USP46: variants seen among roughly 807,000 people sequenced by gnomAD.
The protein encoded by USP46 is ubiquitin carboxyl-terminal hydrolase 46.
In USP46, 12 loss-of-function variants were observed where a neutral mutation model predicts 44.4. The observed-to-expected ratio is 0.27, with a 90% confidence interval of 0.17 to 0.44. The LOEUF (loss-of-function observed/expected upper bound fraction) is 0.44, where lower values mean the gene tolerates loss of function less well. USP46 is among the 20% of genes least tolerant of loss of function. The pLI, the probability that USP46 is intolerant of heterozygous loss-of-function variation, is 1.00. For synonymous variants in USP46, 155 were observed against 161.5 expected (o/e 0.96, Z 0.31); for missense variants, 248 against 444.8 (o/e 0.56, Z 3.98).
intron 1 of USP46, among the ~76,000 whole-genome samples, chr4:52,632,376 G>C (rs1717862553): frequency 6.6e-6 from 1 of 152,194 alleles, no homozygotes; most frequent in Non-Finnish European, 1.5e-5. Flanking sequence ...AAGGTAAGTA[G>C]TTTGGGAAGC....
At chr4:52,642,665 G>A (rs1416866319) in intron 1 of USP46, among the ~76,000 whole-genome samples, 2 of 152,202 alleles carry the variant, frequency 1.3e-5, no homozygotes, top group Non-Finnish European at 2.9e-5. Flanking sequence ...TAAAATTGAG[G>A]TTGGGAGTCA....
chr4:52,649,144 A>G (rs1718664045), intron 1 of USP46, among the ~76,000 whole-genome samples: 1 of 152,200 alleles, frequency 6.6e-6, no homozygotes, highest in Non-Finnish European at 1.5e-5. Flanking sequence ...CACTCCTCCC[A>G]AAGTGCCCCA....
Position 52,593,603 on chromosome 4 carries a change from C to G in USP46, c.*4037G>C, listed in dbSNP as rs1370938513. On this transcript the variant is annotated 3_prime_UTR_variant, in exon 9 of 9. Transcript: ENST00000441222. ...TTCACTGAGGCCACATGGCATGGACCTGTGCCTGCCCTCCTTCTGGGGCAG... is the reference window on the plus strand; with the variant it reads ...TTCACTGAGGCCACATGGCATGGACGTGTGCCTGCCCTCCTTCTGGGGCAG... The G allele has an allele frequency of 6.6e-6, 1 of 152,294 alleles. No individual in the cohort carries two copies. Among genetic ancestry groups the G allele is most frequent in the Non-Finnish European group, 1.5e-5 (1 of 68,070 alleles). 9.4% of individuals were successfully genotyped at this position (152,294 alleles called of 1,614,324 possible). A position where few individuals can be genotyped will look rare whatever the true frequency, so the allele number is the denominator to read the frequency against.
intron 1 of USP46, among the ~76,000 whole-genome samples, chr4:52,631,933 G>A (rs928393669): frequency 6.6e-6 from 1 of 151,966 alleles, no homozygotes; most frequent in Non-Finnish European, 1.5e-5. Flanking sequence ...TTGAACCTGG[G>A]GGCTGGAGGT....
intron 3 of USP46, among the ~76,000 whole-genome samples, chr4:52,627,037 T>C (rs887957313): frequency 7.2e-5 from 11 of 152,288 alleles, no homozygotes; most frequent in African/African-American, 2.6e-4. Flanking sequence ...CAAGCATCTA[T>C]CTGATAGTGT....
At position 52,595,059 on chromosome 4, in the gene USP46, G is replaced by C. The variant is rs1716171633; in HGVS notation, c.*2581C>G. 6.6e-6 allele frequency: 1 copy of C among 152,210 alleles called. No homozygotes were observed. The highest frequency in any genetic ancestry group is 2.1e-4 in the South Asian group (1 of 4,796). The allele number at this position is 152,210 out of a possible 1,614,324, so 9.4% of individuals were successfully genotyped here. ...TTTTTTTTTTAAAGTGTAAAACATT[G>C]TAACTTATTTTGTAACACCCAGCAG... On this transcript the variant is annotated 3_prime_UTR_variant, in exon 9 of 9. Transcript: ENST00000441222.
intron 1 of USP46, among the ~76,000 whole-genome samples, chr4:52,632,989 G>GAAA (rs753178157): frequency 0.01 from 327 of 31,944 alleles, 13 homozygotes; most frequent in South Asian, 0.019. Flanking sequence ...AGAAAGAAAA[G>GAAA]AAAAGAAAGA....
At chr4:52,646,541 G>T (rs572090951) in intron 1 of USP46, among the ~76,000 whole-genome samples, 1 of 152,240 alleles carries the variant, frequency 6.6e-6, no homozygotes, top group Non-Finnish European at 1.5e-5. Flanking sequence ...AATGGATAGA[G>T]TAATTTTGTA....
chr4:52,629,057 C>A (rs1333233689), intron 2 of USP46, among the ~76,000 whole-genome samples: 12 of 152,166 alleles, frequency 7.9e-5, no homozygotes, highest in African/African-American at 2.2e-4. Flanking sequence ...GAAAAAAATT[C>A]TAAGGAAATA....
rs902485161 is a variant in USP46, at chr4:52,592,701, T to G, written c.*4939A>C. The G allele has an allele frequency of 2.6e-6, 1 of 391,974 alleles. No homozygotes were observed. Among genetic ancestry groups the G allele is most frequent in the African/African-American group, 2.1e-5 (1 of 48,382 alleles). The allele number at this position is 391,974 out of a possible 1,614,324, so 24.3% of individuals were successfully genotyped here. On this transcript the variant is annotated 3_prime_UTR_variant, in exon 9 of 9. Transcript: ENST00000441222. ...TGAAAATACAAAAATTACCCGGGTA[T>G]AGTGGCACATGCCTGTAGTCCCAGC...
chr4:52,656,414 AC>A, intron 1 of USP46: 1 of 1,022,508 alleles, frequency 9.8e-7, no homozygotes. Context: ...GGGAAGGAAG[AC>A]TGGGAGGGAC....
intron 6 of USP46, among the ~76,000 whole-genome samples, chr4:52,602,291 C>A (rs929705056): frequency 6.6e-6 from 1 of 152,176 alleles, no homozygotes; most frequent in African/African-American, 2.4e-5. Context: ...TGGAAGGAGA[C>A]GTTCCAGAAT....
intron 2 of USP46, among the ~76,000 whole-genome samples, chr4:52,628,961 T>A (rs1020818872): frequency 1.3e-5 from 2 of 152,228 alleles, no homozygotes; most frequent in African/African-American, 4.8e-5. Context: ...GTCTCACTGA[T>A]TTTCTACTGA....
chr4:52,634,848 A>AT, intron 1 of USP46, among the ~76,000 whole-genome samples: 1 of 152,230 alleles, frequency 6.6e-6, no homozygotes, highest in South Asian at 2.1e-4. Flanking sequence ...GTATCATCCC[A>AT]GGTGATTTCA....
chr4:52,636,614 G>A (rs1718125028), intron 1 of USP46, among the ~76,000 whole-genome samples: 1 of 147,790 alleles, frequency 6.8e-6, no homozygotes, highest in African/African-American at 2.5e-5. Context: ...GCTGAGGCGG[G>A]AGAATTGCTT....
At chr4:52,647,300 A>G (rs553413635) in intron 1 of USP46, among the ~76,000 whole-genome samples, 3 of 152,254 alleles carry the variant, frequency 2.0e-5, no homozygotes, top group Non-Finnish European at 2.9e-5. Flanking sequence ...GTATATGCAT[A>G]TAACTCTAAA....
chr4:52,623,798 C>T (rs1337950512), intron 4 of USP46, among the ~76,000 whole-genome samples: 3 of 151,794 alleles, frequency 2.0e-5, no homozygotes, highest in South Asian at 2.1e-4. Flanking sequence ...TGGTGGTGGG[C>T]GCCTGTAATC....
intron 4 of USP46, among the ~76,000 whole-genome samples, chr4:52,615,324 T>G (rs1717090078): frequency 6.6e-6 from 1 of 152,084 alleles, no homozygotes; most frequent in Admixed American, 6.6e-5. Flanking sequence ...AGGTTGAAAG[T>G]AAATGGTTGG....
At chr4:52,612,265 T>C (rs1432328634) in intron 4 of USP46, among the ~76,000 whole-genome samples, 3 of 152,164 alleles carry the variant, frequency 2.0e-5, no homozygotes, top group Non-Finnish European at 4.4e-5. Flanking sequence ...AAAAAAGGCA[T>C]CTTTATACTT....
Sources: allele counts gnomAD v4.1 joint callset (sites outside exome capture counted in the v4.1 genomes callset), GRCh38; gene constraint gnomAD v4.1.1; transcripts MANE v1.5; gene names NCBI Gene and HGNC (gene_info 2026-07-23, HGNC 2026-07-21).